Variants in GRB10 observed in about 807,000 individuals in gnomAD.
GRB10 encodes the protein growth factor receptor-bound protein 10.
GRB10 carries 20 observed loss-of-function variants against 80.9 expected under a neutral mutation model. The observed-to-expected ratio is 0.25, with a 90% CI of 0.17 to 0.36. GRB10 has a LOEUF of 0.36. GRB10 is among the 10% of genes least tolerant of loss of function. The probability of loss-of-function intolerance (pLI) is 1.00; values close to 1 mark genes in which losing one functional copy is unlikely to be tolerated. For missense variants in GRB10, 548 were observed against 747.7 expected (o/e 0.73, Z 3.12); for synonymous variants, 291 against 291.5 (o/e 1.00, Z 0.02).
At chr7:50,623,267 C>T (rs2052218113) in intron 8 of GRB10, among the ~76,000 whole-genome samples, 1 of 152,162 alleles carries the variant, frequency 6.6e-6, no homozygotes, top group Admixed American at 6.5e-5. Context: ...GGGGGCAGTG[C>T]TAACATAGGA....
intron 3 of GRB10, among the ~76,000 whole-genome samples, chr7:50,746,438 A>G (rs183942815): frequency 2.6e-5 from 4 of 152,300 alleles, no homozygotes; most frequent in African/African-American, 9.6e-5. Flanking sequence ...CCTGTAAACC[A>G]AGGAGTGATT....
At chr7:50,711,359 C>T (rs540094875) in intron 4 of GRB10, among the ~76,000 whole-genome samples, 100 of 152,054 alleles carry the variant, frequency 6.6e-4, no homozygotes, top group Non-Finnish European at 1.1e-3. Flanking sequence ...CCCAGAGCTC[C>T]CTGGGGCCTT....
chr7:50,653,744 C>T (rs977326689), intron 7 of GRB10, among the ~76,000 whole-genome samples: 1 of 152,220 alleles, frequency 6.6e-6, no homozygotes, highest in Admixed American at 6.5e-5. Flanking sequence ...CGCTTCACCA[C>T]TGTTCACAGG....
chr7:50,637,485 T>C (rs2055290139), intron 7 of GRB10, among the ~76,000 whole-genome samples: 1 of 151,936 alleles, frequency 6.6e-6, no homozygotes, highest in Admixed American at 6.6e-5. Context: ...ACAATACATC[T>C]AACCAAGGAG....
intron 7 of GRB10, among the ~76,000 whole-genome samples, chr7:50,636,760 C>T (rs1383873002): frequency 6.6e-6 from 1 of 152,118 alleles, no homozygotes; most frequent in Non-Finnish European, 1.5e-5. Context: ...TAGGACAAAA[C>T]CACAGCCACT....
chr7:50,786,936 A>ATCAC (rs1426220070), upstream of GRB10, among the ~76,000 whole-genome samples: 1 of 152,246 alleles, frequency 6.6e-6, no homozygotes, highest in Non-Finnish European at 1.5e-5. Context: ...AAAACTGCAG[A>ATCAC]TCACCTTAGG....
Position 50,776,462 on chromosome 7 carries a change from C to G in GRB10, c.-217+4165G>C, listed in dbSNP as rs150955283. ...TCTTGAACTCCTGAGCTTAAGCAAT[C>G]CTCTCACCTTGGCCTCTCAAAGTGC... On this transcript the variant is annotated intron_variant, in intron 2 of 18. Coordinates refer to ENST00000401949, the MANE Select transcript of GRB10 (RefSeq NM_001350814.2). 6.5e-3 allele frequency among the ~76,000 whole-genome samples: 991 copies of G among 152,078 alleles called. 14 individuals are homozygous for G. Among genetic ancestry groups the G allele is most frequent in the African/African-American group, 0.023 (962 of 41,460 alleles).
rs781555112 is a variant in GRB10 at position 50,674,450 on chromosome 7, G to A, written c.348C>T (p.His116=). The change falls in exon 6 of 19, where the codon CAC becomes CAT. Residue 116 remains histidine (H), a synonymous_variant. Coordinates refer to ENST00000401949, the MANE Select transcript of GRB10 (RefSeq NM_001350814.2). ...CCTGGACCTACCTGACAGCGAGGAT[G>A]TGCACAGGCTGGGAGCGCTGCACCC... ...RQRVQRSQPV[H]ILAVRRLQEE... is the part of the protein sequence containing the mutation. The A allele has an allele frequency of 1.9e-6, 3 of 1,605,428 alleles. No individual in the cohort carries two copies. The highest frequency in any genetic ancestry group is 8.5e-7 in the Non-Finnish European group (1 of 1,179,974).
At chr7:50,737,930 A>T (rs1587697743) in intron 3 of GRB10, among the ~76,000 whole-genome samples, 1 of 152,316 alleles carries the variant, frequency 6.6e-6, no homozygotes, top group Middle Eastern at 3.4e-3. Context: ...CAAAAGACAT[A>T]AGCAACCTCA....
intron 7 of GRB10, among the ~76,000 whole-genome samples, chr7:50,668,918 C>G (rs1257482524): frequency 6.6e-6 from 1 of 152,232 alleles, no homozygotes; most frequent in African/African-American, 2.4e-5. Flanking sequence ...CTTCATGGAT[C>G]TACTTTAAGT....
chr7:50,650,746 G>A (rs2057907989), intron 7 of GRB10, among the ~76,000 whole-genome samples: 1 of 152,158 alleles, frequency 6.6e-6, no homozygotes, highest in African/African-American at 2.4e-5. Flanking sequence ...CTAAGCCCAA[G>A]GCTACGACAC....
intron 7 of GRB10, among the ~76,000 whole-genome samples, chr7:50,662,326 G>A (rs1235588881): frequency 6.6e-6 from 1 of 152,204 alleles, no homozygotes; most frequent in Non-Finnish European, 1.5e-5. Context: ...GGAAACCGAG[G>A]CTCCCTGATA....
intron 7 of GRB10, among the ~76,000 whole-genome samples, chr7:50,663,696 G>A (rs952215745): frequency 6.6e-6 from 1 of 152,234 alleles, no homozygotes; most frequent in African/African-American, 2.4e-5. Flanking sequence ...TACTTTTGTA[G>A]CTGCATGTGC....
intron 4 of GRB10, among the ~76,000 whole-genome samples, chr7:50,718,262 G>A (rs2067190332): frequency 6.6e-6 from 1 of 152,164 alleles, no homozygotes; most frequent in Non-Finnish European, 1.5e-5. Flanking sequence ...ATGGGAAAAT[G>A]AGTTTGGTTT....
At chr7:50,677,728 T>C (rs2061110291) in intron 5 of GRB10, among the ~76,000 whole-genome samples, 1 of 152,212 alleles carries the variant, frequency 6.6e-6, no homozygotes, top group African/African-American at 2.4e-5. Context: ...CAGCTCAATA[T>C]TTCTATCTCA....
At chr7:50,634,586 C>A (rs2054593922) in intron 7 of GRB10, among the ~76,000 whole-genome samples, 1 of 152,140 alleles carries the variant, frequency 6.6e-6, no homozygotes. Flanking sequence ...ATTTAAAAGA[C>A]ATGGACTGGC....
intron 4 of GRB10, among the ~76,000 whole-genome samples, chr7:50,714,662 C>A (rs1356536463): frequency 3.4e-5 from 5 of 147,392 alleles, no homozygotes; most frequent in South Asian, 2.2e-4. Context: ...GACTCTGTCT[C>A]AAAAAAAAAA....
intron 2 of GRB10, among the ~76,000 whole-genome samples, chr7:50,769,212 T>C (rs1378289418): frequency 7.2e-5 from 11 of 152,206 alleles, no homozygotes; most frequent in African/African-American, 2.4e-4. Flanking sequence ...ATTTGAGCCA[T>C]TGAAAGAGTC....
At chr7:50,628,969 C>T (rs2153594403) in intron 7 of GRB10, among the ~76,000 whole-genome samples, 1 of 152,250 alleles carries the variant, frequency 6.6e-6, no homozygotes, top group African/African-American at 2.4e-5. Context: ...TATTAAAATG[C>T]ATTAACATAA....
Sources: gnomAD v4.1 joint callset for allele counts (sites outside exome capture counted in the v4.1 genomes callset) on GRCh38, gnomAD v4.1.1 for gene constraint, MANE v1.5 for transcripts, NCBI Gene and HGNC (gene_info 2026-07-23, HGNC 2026-07-21) for gene names.